The following THSD7A variants were observed in gnomAD, a reference collection of about 807,000 sequenced individuals.
THSD7A encodes the protein thrombospondin type 1 domain containing 7A.
In THSD7A, 96 loss-of-function variants were observed where a neutral mutation model predicts 231.3. The ratio of observed to expected loss-of-function variants is 0.41; its 90% CI spans 0.35 to 0.49. THSD7A has a LOEUF of 0.49. Ranked by LOEUF, THSD7A falls within the 20% of genes least tolerant of loss-of-function variation. The pLI, the probability that THSD7A is intolerant of heterozygous loss-of-function variation, is 0.05. For synonymous variants in THSD7A, 940 were observed against 743.3 expected (o/e 1.26, Z -4.30); for missense variants, 2,290 against 2,070.2 (o/e 1.11, Z -2.06).
chr7:11,739,765 A>C (rs1478538468), intron 1 of THSD7A, among the ~76,000 whole-genome samples: 6 of 151,754 alleles, frequency 4.0e-5, no homozygotes, highest in African/African-American at 1.2e-4. Context: ...TGGTGTTTCT[A>C]CTTTTCTTCT....
At position 11,634,409 on chromosome 7, in the gene THSD7A, G is replaced by A. The variant is rs1183675643; in HGVS notation, c.1022+1721C>T. Among the ~76,000 whole-genome samples the A allele has an allele frequency of 1.3e-5, 2 of 152,066 alleles. No homozygotes were observed. The highest frequency in any genetic ancestry group is 3.9e-4 in the East Asian group (2 of 5,192). On this transcript the variant is annotated intron_variant, in intron 2 of 27. Coordinates refer to ENST00000423059, the MANE Select transcript of THSD7A (RefSeq NM_015204.3). This position sits in a 1 kb window ranked among gnomAD's most constrained non-coding sequence, Gnocchi z 4.1. Reference sequence around the variant, plus strand: ...TAAATGTCTACAGCATGCTAACCCAGTGATAGCAGGAAACAACTCAACTTG... The same window carrying A: ...TAAATGTCTACAGCATGCTAACCCAATGATAGCAGGAAACAACTCAACTTG...
intron 1 of THSD7A, among the ~76,000 whole-genome samples, chr7:11,681,567 A>T (rs1554263546): frequency 6.6e-6 from 1 of 151,540 alleles, no homozygotes; most frequent in Non-Finnish European, 1.5e-5. Context: ...AGACAAAATA[A>T]TTTTTTTTTA....
chr7:11,538,495 G>C (rs1050406310), intron 6 of THSD7A, among the ~76,000 whole-genome samples: 7 of 152,062 alleles, frequency 4.6e-5, no homozygotes, highest in African/African-American at 1.7e-4. Flanking sequence ...AAATACACTT[G>C]CTTTGCCAGA....
intron 4 of THSD7A, among the ~76,000 whole-genome samples, chr7:11,547,703 G>C (rs1322760187): frequency 6.6e-6 from 1 of 152,130 alleles, no homozygotes; most frequent in Non-Finnish European, 1.5e-5. Context: ...TTAATACTAA[G>C]ATGATCTCTC....
chr7:11,543,759 A>G (rs963219176), intron 4 of THSD7A, among the ~76,000 whole-genome samples: 9 of 152,302 alleles, frequency 5.9e-5, no homozygotes, highest in African/African-American at 1.9e-4. Context: ...AATTATCTAC[A>G]TTTGTTCATA....
At chr7:11,432,692 T>C (rs1011740940) in intron 13 of THSD7A, among the ~76,000 whole-genome samples, 6 of 152,088 alleles carry the variant, frequency 3.9e-5, no homozygotes, top group Non-Finnish European at 8.8e-5. Flanking sequence ...GAATATACTA[T>C]GACTTGTTTA....
intron 1 of THSD7A, among the ~76,000 whole-genome samples, chr7:11,786,969 C>T (rs1783813758): frequency 6.6e-6 from 1 of 152,122 alleles, no homozygotes; most frequent in Non-Finnish European, 1.5e-5. Flanking sequence ...GAGTGCTTGG[C>T]TCTAAAGAGT....
At chr7:11,532,200 C>T (rs60572471) in intron 6 of THSD7A, among the ~76,000 whole-genome samples, 12,532 of 152,064 alleles carry the variant, frequency 0.082, 799 homozygotes, top group East Asian at 0.18. Context: ...GGCCATTCCA[C>T]CCATGCCAGC....
intron 1 of THSD7A, among the ~76,000 whole-genome samples, chr7:11,772,372 G>C (rs889379750): frequency 6.6e-6 from 1 of 152,008 alleles, no homozygotes; most frequent in African/African-American, 2.4e-5. Context: ...CCATTACTGG[G>C]TATATATGCA....
chr7:11,826,449 A>G (rs1785029421), intron 1 of THSD7A, among the ~76,000 whole-genome samples: 1 of 152,198 alleles, frequency 6.6e-6, no homozygotes, highest in South Asian at 2.1e-4. Flanking sequence ...GTTTTGCTCA[A>G]TTCATTGACA....
At chr7:11,481,711 C>T (rs1786430946) in intron 7 of THSD7A, 77 bp downstream of exon 7, 1 of 1,401,094 alleles carries the variant, frequency 7.1e-7, no homozygotes, top group Admixed American at 2.3e-5. Flanking sequence ...AGAATATCAT[C>T]TTTTCCAGGC....
chr7:11,581,114 G>T (rs532391203), intron 4 of THSD7A, among the ~76,000 whole-genome samples: 3 of 151,992 alleles, frequency 2.0e-5, no homozygotes, highest in African/African-American at 2.4e-5. Context: ...GCAAGTGTGT[G>T]TTCCCAACAT....
chr7:11,483,624 C>G (rs1315876246), intron 6 of THSD7A, among the ~76,000 whole-genome samples: 1 of 152,044 alleles, frequency 6.6e-6, no homozygotes, highest in African/African-American at 2.4e-5. Context: ...ATATTTTACA[C>G]TTGACATAAT....
At chr7:11,754,647 G>C (rs1782616747) in intron 1 of THSD7A, among the ~76,000 whole-genome samples, 1 of 151,866 alleles carries the variant, frequency 6.6e-6, no homozygotes, top group Admixed American at 6.6e-5. Flanking sequence ...ACAAATTCTT[G>C]TTATTCTTCA....
rs143838190 is a variant in THSD7A, at chr7:11,417,567, A to G, written c.3420T>C (p.His1140=). Residue 1140 remains histidine, a synonymous_variant, in exon 17 of 28, where the codon CAT becomes CAC. Transcript: ENST00000423059. ...CTGGGTCACAGAGGTAATCCTCTACATGTTCAGAAGGGCCATCTGCTGTAT... is the reference window on the plus strand; with the variant it reads ...CTGGGTCACAGAGGTAATCCTCTACGTGTTCAGAAGGGCCATCTGCTGTAT... ...MQNTADGPSE[H]VEDYLCDPEE... The G allele has an allele frequency of 1.1e-5, 18 of 1,613,086 alleles. No homozygotes were observed. In the African/African-American group the frequency reaches 2.0e-4, roughly 18 times the overall value.
At chr7:11,827,385 C>G (rs998934369) in intron 1 of THSD7A, among the ~76,000 whole-genome samples, 4 of 152,120 alleles carry the variant, frequency 2.6e-5, no homozygotes, top group Non-Finnish European at 5.9e-5. Flanking sequence ...TGTGAATTAT[C>G]TTACCAAGTC....
At chr7:11,416,599 G>C (rs1783967567) in intron 17 of THSD7A, among the ~76,000 whole-genome samples, 1 of 152,142 alleles carries the variant, frequency 6.6e-6, no homozygotes, top group Non-Finnish European at 1.5e-5. Context: ...CACTGAAATG[G>C]AATATCAATT....
intron 1 of THSD7A, among the ~76,000 whole-genome samples, chr7:11,698,832 T>A (rs1780481224): frequency 6.6e-6 from 1 of 151,458 alleles, no homozygotes. Context: ...ACAGTTCTCA[T>A]CATTTTAAAT....
At chr7:11,537,859 G>A (rs772341446) in intron 6 of THSD7A, among the ~76,000 whole-genome samples, 5 of 152,146 alleles carry the variant, frequency 3.3e-5, no homozygotes, top group Non-Finnish European at 7.4e-5. Context: ...TTACCTCAGT[G>A]CTCATCTCCA....
Sources: gnomAD v4.1 joint callset for allele counts (sites outside exome capture counted in the v4.1 genomes callset) on GRCh38, gnomAD v4.1.1 for gene constraint, Gnocchi (gnomAD v3.1) non-coding constraint, MANE v1.5 for transcripts, NCBI Gene and HGNC (gene_info 2026-07-23, HGNC 2026-07-21) for gene names.